ZNF721: variants seen among roughly 807,000 people sequenced by gnomAD.
ZNF721 encodes the protein zinc finger protein 721.
Under a neutral mutation model 2.4 loss-of-function variants are expected in ZNF721, and 2 were observed. That is an observed-to-expected ratio of 0.82 (90% confidence interval 0.34 to 2.58). The LOEUF (loss-of-function observed/expected upper bound fraction) is 2.58. ZNF721 is among the 30% of genes most tolerant of loss of function. ZNF721 has a pLI of 0.11. For missense variants in ZNF721, 1,187 were observed against 1,085.5 expected, an observed-to-expected ratio of 1.09 and a Z score of -1.31; for synonymous variants, 398 against 381.8, an observed-to-expected ratio of 1.04 and a Z score of -0.50.
At chr4:492,311 C>T (rs945005310) in intron 1 of ZNF721, among the ~76,000 whole-genome samples, 1 of 151,968 alleles carries the variant, frequency 6.6e-6, no homozygotes, top group Non-Finnish European at 1.5e-5. Context: ...AAGAAAAAGA[C>T]CTTCTGCAGT....
chr4:496,934 G>A (rs1471383289), intron 1 of ZNF721, among the ~76,000 whole-genome samples: 1 of 151,408 alleles, frequency 6.6e-6, no homozygotes, highest in African/African-American at 2.4e-5. Flanking sequence ...GGATGGTCTC[G>A]ATCTCCTGAC....
intron 1 of ZNF721, among the ~76,000 whole-genome samples, chr4:492,142 GAC>G (rs556070049): frequency 8.0e-5 from 12 of 150,798 alleles, no homozygotes; most frequent in African/African-American, 3.0e-4. Context: ...CAGTCTGGGT[GAC>G]AGAGGGAGAT....
intron 1 of ZNF721, among the ~76,000 whole-genome samples, chr4:482,091 T>A (rs1215433404): frequency 6.6e-6 from 1 of 152,230 alleles, no homozygotes; most frequent in Non-Finnish European, 1.5e-5. Context: ...CATATGACTG[T>A]GAGACATTGT....
In ZNF721 at chr4:442,615, A is replaced by G. The variant is rs782778777; in HGVS notation, c.1852T>C (p.Cys618Arg). The G allele has an allele frequency of 1.1e-5, 18 of 1,612,448 alleles. No individual in the cohort carries two copies. The East Asian group carries it at 2.2e-4, about 20-fold the overall frequency. ...GTGTACCATACAAAGTCTTTGCCACACTCTTCACATTTGTAAAGTTTCTCT... is the reference window on the plus strand; with the variant it reads ...GTGTACCATACAAAGTCTTTGCCACGCTCTTCACATTTGTAAAGTTTCTCT... ...TGEKLYKCEE[C>R]GKDFVWYTDL... is the part of the protein sequence containing the mutation. The change falls in exon 3 of 3, where the codon TGT (cysteine) becomes CGT (arginine). Residue 618 changes from cysteine (C) to arginine (R), a missense_variant. Coordinates refer to ENST00000511833, the MANE Select transcript of ZNF721 (RefSeq NM_133474.4).
At chr4:479,869 A>C (rs1576970012) in intron 1 of ZNF721, among the ~76,000 whole-genome samples, 1 of 152,222 alleles carries the variant, frequency 6.6e-6, no homozygotes, top group African/African-American at 2.4e-5. Context: ...ATGTGTGCAC[A>C]TATCCATTTG....
intron 2 of ZNF721, among the ~76,000 whole-genome samples, chr4:471,542 A>G (rs1253074239): frequency 6.6e-6 from 1 of 152,204 alleles, no homozygotes; most frequent in Non-Finnish European, 1.5e-5. Flanking sequence ...GGCGATTGTT[A>G]GTGCCTAAGG....
rs13120917 is a variant in ZNF721 at position 442,055 on chromosome 4, T to A, written c.2412A>T (p.Thr804=). The A allele has an allele frequency of 1.2e-6, 2 of 1,613,888 alleles. No homozygotes were observed. Among genetic ancestry groups the A allele is most frequent in the Admixed American group, 1.7e-5 (1 of 60,016 alleles). ...CTAAACATTTAAAGGGTTTCTCACC[T>A]GTATGAATCCTCTTATGTTTAGCAA... ...SSFAKHKRIH[T]GEKPFKCLEC... Residue 804 remains threonine (T), a synonymous_variant, in exon 3 of 3, where the codon ACA becomes ACT. Transcript: ENST00000511833.
chr4:495,443 C>T (rs1302651694), intron 1 of ZNF721, among the ~76,000 whole-genome samples: 1 of 124,974 alleles, frequency 8.0e-6, no homozygotes. Context: ...GGATGTTAGC[C>T]TTTAAAATTG....
intron 1 of ZNF721, chr4:473,890 T>G (rs1715544036): frequency 7.0e-7 from 1 of 1,426,850 alleles, no homozygotes; most frequent in Non-Finnish European, 9.4e-7. Flanking sequence ...CAGCGGGGAC[T>G]CCGTTCGCAG....
chr4:469,309 A>G (rs962207638), intron 2 of ZNF721, among the ~76,000 whole-genome samples: 1 of 152,204 alleles, frequency 6.6e-6, no homozygotes, highest in East Asian at 1.9e-4. Context: ...AATTCAATTT[A>G]CAATACTATA....
At chr4:472,174 G>A (rs995601662) in intron 2 of ZNF721, among the ~76,000 whole-genome samples, 3 of 152,174 alleles carry the variant, frequency 2.0e-5, no homozygotes, top group South Asian at 2.1e-4. Flanking sequence ...GTGATTCTCC[G>A]CCTAAGCCTC....
chr4:461,184 G>A (rs879950929), intron 2 of ZNF721, among the ~76,000 whole-genome samples: 4 of 152,080 alleles, frequency 2.6e-5, no homozygotes, highest in Non-Finnish European at 4.4e-5. Context: ...GATGAACATC[G>A]ATGTGAAAAT....
intron 2 of ZNF721, chr4:453,595 CAT>C (rs1714743244): frequency 6.6e-6 from 1 of 152,216 alleles, no homozygotes; most frequent in Non-Finnish European, 1.5e-5. Context: ...ATGGTCAGCA[CAT>C]GTGTCTTTGT....
chr4:459,304 T>C (rs1268210915), intron 2 of ZNF721, among the ~76,000 whole-genome samples: 1 of 152,130 alleles, frequency 6.6e-6, no homozygotes, highest in Non-Finnish European at 1.5e-5. Context: ...GTAACAATAT[T>C]AATCTTAAAT....
chr4:495,640 TACC>T lies in ZNF721; in HGVS notation c.-94+3413_-94+3415del, dbSNP rs1474325861. Reference sequence around the variant, plus strand: ...TTTTTGAGACGGAATCTCACTCTGTTACCAGGCTGGCGTGCAGTGACGTGTGAT... The same window carrying T: ...TTTTTGAGACGGAATCTCACTCTGTTAGGCTGGCGTGCAGTGACGTGTGAT... On this transcript the variant is annotated intron_variant, in intron 1 of 2. Transcript: ENST00000511833. 1.2e-3 allele frequency among the ~76,000 whole-genome samples: 175 copies of T among 152,134 alleles called. 2 individuals carry two copies. The highest frequency in any genetic ancestry group is 2.4e-4 in the Non-Finnish European group (16 of 67,976).
At chr4:497,254 C>A (rs1164076997) in intron 1 of ZNF721, among the ~76,000 whole-genome samples, 1 of 151,872 alleles carries the variant, frequency 6.6e-6, no homozygotes, top group Admixed American at 6.6e-5. Flanking sequence ...ACCTCAGACC[C>A]CCCACCGAAA....
chr4:462,456 G>A (rs534519016), intron 2 of ZNF721, among the ~76,000 whole-genome samples: 39 of 152,236 alleles, frequency 2.6e-4, no homozygotes, highest in African/African-American at 8.9e-4. Context: ...ACAATCCTAA[G>A]CAGAAAGAAC....
At chr4:498,778 G>A (rs2108732690) in intron 1 of ZNF721, among the ~76,000 whole-genome samples, 1 of 144,522 alleles carries the variant, frequency 6.9e-6, no homozygotes, top group African/African-American at 2.5e-5. Context: ...AGGCAGAAGT[G>A]CAGTGGCGCG....
At chr4:479,417 A>T (rs1324416101) in intron 1 of ZNF721, among the ~76,000 whole-genome samples, 1 of 151,946 alleles carries the variant, frequency 6.6e-6, no homozygotes, top group African/African-American at 2.4e-5. Flanking sequence ...CCTTATTCTC[A>T]TGGTTGGGCA....
Sources: allele counts gnomAD v4.1 joint callset (sites outside exome capture counted in the v4.1 genomes callset), GRCh38; gene constraint gnomAD v4.1.1; transcripts MANE v1.5; gene names NCBI Gene and HGNC (gene_info 2026-07-23, HGNC 2026-07-21).